ABHD12: variants seen among roughly 807,000 people sequenced by gnomAD.
ABHD12 encodes the protein abhydrolase domain containing 12, lysophospholipase.
A neutral mutation model predicts 58.3 loss-of-function variants in ABHD12; 43 were observed. The ratio of observed to expected loss-of-function variants is 0.74; its 90% CI spans 0.58 to 0.95. The LOEUF is 0.95. ABHD12 is among the 40% of genes least tolerant of loss of function. The pLI, the probability that ABHD12 is intolerant of heterozygous loss-of-function variation, is 0.00. For synonymous variants in ABHD12, 219 were observed against 211.2 expected (o/e 1.04, Z -0.32); for missense variants, 539 against 537.2 (o/e 1.00, Z -0.03).
chr20:25,303,745 G>C, intron 10 of ABHD12, 117 bp from the exon 11 acceptor site: 1 of 1,422,304 alleles, frequency 7.0e-7, no homozygotes, highest in Non-Finnish European at 9.6e-7. Flanking sequence ...CCTGATTTCT[G>C]CTGGATTTCT....
intron 1 of ABHD12, among the ~76,000 whole-genome samples, chr20:25,341,206 G>A (rs1238207992): frequency 1.3e-5 from 2 of 152,226 alleles, no homozygotes; most frequent in African/African-American, 2.4e-5. Context: ...CCCAGTGGGC[G>A]TTAATCAAGC....
chr20:25,367,434 C>T (rs566503897), intron 1 of ABHD12, among the ~76,000 whole-genome samples: 1 of 152,164 alleles, frequency 6.6e-6, no homozygotes, highest in South Asian at 2.1e-4. Context: ...AATTTACCAT[C>T]ATAACCATTT....
intron 9 of ABHD12, among the ~76,000 whole-genome samples, chr20:25,307,645 G>A (rs1053457436): frequency 6.6e-6 from 1 of 152,188 alleles, no homozygotes; most frequent in Non-Finnish European, 1.5e-5. Context: ...CACAGAGAGG[G>A]GGGCACCCCC....
downstream of ABHD12, chr20:25,296,545 C>T: frequency 6.3e-7 from 1 of 1,593,730 alleles, no homozygotes; most frequent in African/African-American, 1.3e-5. Context: ...TTGGCGGGAC[C>T]AGCGGGCATT....
At chr20:25,389,286 G>A (rs2146155068) in intron 1 of ABHD12, among the ~76,000 whole-genome samples, 1 of 152,240 alleles carries the variant, frequency 6.6e-6, no homozygotes, top group South Asian at 2.1e-4. Flanking sequence ...TACACATAAA[G>A]ACACAAAACT....
intron 10 of ABHD12, 117 bp from the exon 11 acceptor site, chr20:25,303,745 G>T: frequency 7.0e-7 from 1 of 1,422,302 alleles, no homozygotes; most frequent in Non-Finnish European, 9.6e-7. Context: ...CCTGATTTCT[G>T]CTGGATTTCT....
intron 1 of ABHD12, among the ~76,000 whole-genome samples, chr20:25,371,280 C>T (rs948594530): frequency 5.3e-5 from 8 of 152,156 alleles, no homozygotes; most frequent in East Asian, 1.9e-4. Context: ...GGTACCAAGC[C>T]GCTCTATCAG....
chr20:25,325,900 G>A (rs774985752), intron 2 of ABHD12, among the ~76,000 whole-genome samples: 3 of 151,584 alleles, frequency 2.0e-5, no homozygotes, highest in South Asian at 4.2e-4. Flanking sequence ...GCAAAACCCC[G>A]TCTCTACTAA....
chr20:25,307,878 A>G (rs2088773967), intron 9 of ABHD12, 88 bp downstream of exon 9: 6 of 534,684 alleles, frequency 1.1e-5, no homozygotes, highest in Non-Finnish European at 1.9e-5. Flanking sequence ...ACAATTTTTA[A>G]TAATTATTAT....
intron 2 of ABHD12, among the ~76,000 whole-genome samples, chr20:25,327,525 A>G (rs997031368): frequency 6.6e-6 from 1 of 151,956 alleles, no homozygotes; most frequent in African/African-American, 2.4e-5. Flanking sequence ...TATAACTGAG[A>G]CAGTGAAAGA....
Position 25,300,583 on chromosome 20 carries a change from C to A in ABHD12, c.*262G>T. The A allele has an allele frequency of 7.0e-7, 1 of 1,428,242 alleles. No individual in the cohort carries two copies. The highest frequency in any genetic ancestry group is 9.1e-7 in the Non-Finnish European group (1 of 1,095,332). 88.5% of individuals were successfully genotyped at this position (1,428,242 alleles called of 1,614,324 possible). A position where few individuals can be genotyped will look rare whatever the true frequency, so the allele number is the denominator to read the frequency against. ...ATGGCTGCCTGCTGCCATTAAGTCT[C>A]CCAACAAGATCTCAGGTTGAGGGGC... is the stretch of plus-strand genomic sequence containing the variant. On this transcript the variant is annotated 3_prime_UTR_variant, in exon 13 of 13. Coordinates refer to ENST00000339157, the MANE Select transcript of ABHD12 (RefSeq NM_001042472.3).
rs907170980 is a variant in ABHD12 at position 25,369,799 on chromosome 20, C to T, written c.191+20714G>A. ...GCTCTGGCCAGGCATGGTGGCTCGC[C>T]CCTGTAATGCCAGCACTCTGCTGTA... On this transcript the variant is annotated intron_variant, in intron 1 of 12. Coordinates refer to ENST00000339157, the MANE Select transcript of ABHD12 (RefSeq NM_001042472.3). Among the ~76,000 whole-genome samples, 20 of 152,086 alleles carry T rather than the reference C, an allele frequency of 1.3e-4. 1 individual carries two copies. Among genetic ancestry groups the T allele is most frequent in the African/African-American group, 4.8e-4 (20 of 41,396 alleles).
intron 1 of ABHD12, among the ~76,000 whole-genome samples, chr20:25,348,083 GC>G (rs1253359771): frequency 1.3e-5 from 2 of 151,892 alleles, no homozygotes; most frequent in Admixed American, 6.6e-5. Context: ...GGTGGCACAC[GC>G]CTGTAGTCCC....
At chr20:25,338,634 A>G (rs1045337703) in intron 2 of ABHD12, among the ~76,000 whole-genome samples, 3 of 152,222 alleles carry the variant, frequency 2.0e-5, no homozygotes, top group Non-Finnish European at 4.4e-5. Flanking sequence ...ACTCAAGGAG[A>G]CTACAATACC....
chr20:25,310,903 G>A (rs1318847333), intron 6 of ABHD12, among the ~76,000 whole-genome samples: 1 of 152,204 alleles, frequency 6.6e-6, no homozygotes, highest in Non-Finnish European at 1.5e-5. Context: ...GTGCTGCGTG[G>A]GATTTCATTT....
Position 25,306,886 on chromosome 20 carries a change from C to G in ABHD12, c.897G>C (p.Trp299Cys). 6.2e-7 allele frequency: 1 copy of G among 1,612,648 alleles called. No homozygotes were observed. The highest frequency in any genetic ancestry group is 8.5e-7 in the Non-Finnish European group (1 of 1,178,924). Reference sequence around the variant, plus strand: ...TACTTGTAATAGGATCAAGGAAGAACCAGTCAAACCCAGGGAAGTATCGAT... The same window carrying G: ...TACTTGTAATAGGATCAAGGAAGAAGCAGTCAAACCCAGGGAAGTATCGAT... ...VIYRYFPGFD[W>C]FFLDPITSSG... Residue 299 changes from tryptophan to cysteine, a missense_variant, in exon 10 of 13, where the codon TGG becomes TGC. Coordinates refer to ENST00000339157, the MANE Select transcript of ABHD12 (RefSeq NM_001042472.3).
chr20:25,336,011 A>G (rs1227441555), intron 2 of ABHD12, among the ~76,000 whole-genome samples: 6 of 152,030 alleles, frequency 3.9e-5, no homozygotes, highest in Non-Finnish European at 7.4e-5. Flanking sequence ...GATCTGACCT[A>G]TTTCCAAAAA....
chr20:25,338,347 C>G (rs2089406817), intron 2 of ABHD12, among the ~76,000 whole-genome samples: 1 of 152,196 alleles, frequency 6.6e-6, no homozygotes, highest in Non-Finnish European at 1.5e-5. Flanking sequence ...ACAGAGTGAC[C>G]CCAGAGCCCC....
chr20:25,357,813 C>T (rs557351059), intron 1 of ABHD12, among the ~76,000 whole-genome samples: 1 of 152,206 alleles, frequency 6.6e-6, no homozygotes, highest in South Asian at 2.1e-4. Context: ...GAGTTCAAGA[C>T]CAGCCTGGAC....
Sources: allele counts gnomAD v4.1 joint callset (sites outside exome capture counted in the v4.1 genomes callset), GRCh38; gene constraint gnomAD v4.1.1; transcripts MANE v1.5; gene names NCBI Gene and HGNC (gene_info 2026-07-23, HGNC 2026-07-21).